The following AK9 variants were observed in gnomAD, a reference collection of about 807,000 sequenced individuals.
The protein encoded by AK9 is adenylate kinase domain containing 1.
AK9 carries 191 observed loss-of-function variants against 239.6 expected under a neutral mutation model. The ratio of observed to expected loss-of-function variants is 0.80; its 90% confidence interval spans 0.71 to 0.90. The LOEUF is 0.90. Among genes scored for constraint, AK9 ranks in the 40% least tolerant of loss-of-function variants. The pLI is 0.00. For synonymous variants in AK9, 689 were observed against 721.0 expected, an observed-to-expected ratio of 0.96 and a Z score of 0.71; for missense variants, 1,995 against 2,214.7, an observed-to-expected ratio of 0.90 and a Z score of 1.99.
Position 109,612,007 on chromosome 6 carries a change from T to C in AK9, c.1693+3A>G. 6.7e-7 allele frequency: 1 copy of C among 1,486,476 alleles called. No homozygotes were observed. Among genetic ancestry groups the C allele is most frequent in the Non-Finnish European group, 9.1e-7 (1 of 1,101,808 alleles). 92.1% of individuals were successfully genotyped at this position (1,486,476 alleles called of 1,614,324 possible). On this transcript the variant is annotated splice_donor_region_variant and intron_variant, in intron 16 of 40. Coordinates refer to ENST00000424296, the MANE Select transcript of AK9 (RefSeq NM_001145128.3). ...GAATCAAATTATACAAATATTAATT[T>C]ACCTGTATCTGAATACAACTTTACA...
chr6:109,647,696 C>A (rs1798274581), intron 8 of AK9, among the ~76,000 whole-genome samples: 1 of 152,268 alleles, frequency 6.6e-6, no homozygotes, highest in East Asian at 1.9e-4. Context: ...AGAAAGTTAA[C>A]AAGGATACCC....
At position 109,590,225 on chromosome 6, in the gene AK9, T is replaced by A. The variant is rs542461785; in HGVS notation, c.1843-4153A>T. Among the ~76,000 whole-genome samples the A allele has an allele frequency of 1.0e-3, 153 of 152,276 alleles. 1 individual carries two copies. The highest frequency in any genetic ancestry group is 1.5e-4 in the Non-Finnish European group (10 of 67,996). Reference sequence around the variant, plus strand: ...TTTTTTGTTACTGTTGAGAGATTTTTAATTACTGATTCAATTTCACTACTC... The same window carrying A: ...TTTTTTGTTACTGTTGAGAGATTTTAAATTACTGATTCAATTTCACTACTC... On this transcript the variant is annotated intron_variant, in intron 17 of 40. Coordinates refer to ENST00000424296, the MANE Select transcript of AK9 (RefSeq NM_001145128.3).
rs180933902 is a variant in AK9, at chr6:109,584,702, T to C, written c.2114+421A>G. On this transcript the variant is annotated intron_variant, in intron 19 of 40. Coordinates refer to ENST00000424296, the MANE Select transcript of AK9 (RefSeq NM_001145128.3). ...ATAAATAATTAGCCTGGTCTTTCCA[T>C]GTGTAGAACTTAGTCAGGCTTTGGA... 1.1e-4 allele frequency among the ~76,000 whole-genome samples: 17 copies of C among 152,250 alleles called. No individual in the cohort carries two copies. The South Asian group carries it at 1.5e-3, about 13-fold the overall frequency.
Position 109,659,403 on chromosome 6 carries a change from T to C in AK9, c.455A>G (p.Tyr152Cys), listed in dbSNP as rs758644090. The change falls in exon 7 of 41, where the codon TAT becomes TGT. Residue 152 changes from tyrosine (Y) to cysteine (C), a missense_variant. Tyr to Cys is a radical substitution (Grantham distance 194). Coordinates refer to ENST00000424296, the MANE Select transcript of AK9 (RefSeq NM_001145128.3). ...DVIINIKCPD[Y>C]DLCQRISGQR... ...CCCAGAAATTCTCTGGCACAAATCATAGTCAGGACACTAAGAAACAACATT... is the reference window on the plus strand; with the variant it reads ...CCCAGAAATTCTCTGGCACAAATCACAGTCAGGACACTAAGAAACAACATT... The C allele has an allele frequency of 3.1e-6, 5 of 1,604,388 alleles. No individual in the cohort carries two copies. The highest frequency in any genetic ancestry group is 4.3e-6 in the Non-Finnish European group (5 of 1,174,618).
At chr6:109,559,024 A>G (rs950646635) in intron 24 of AK9, among the ~76,000 whole-genome samples, 22 of 151,136 alleles carry the variant, frequency 1.5e-4, no homozygotes, top group Non-Finnish European at 2.8e-4. Flanking sequence ...GCTCATTTTT[A>G]TATTTTCAAT....
chr6:109,543,444 T>G (rs1372980358), intron 26 of AK9, among the ~76,000 whole-genome samples: 1 of 152,158 alleles, frequency 6.6e-6, no homozygotes, highest in African/African-American at 2.4e-5. Flanking sequence ...AAATCTGGAC[T>G]GACATACTTT....
intron 17 of AK9, among the ~76,000 whole-genome samples, chr6:109,589,828 GT>G (rs1315251166): frequency 1.3e-5 from 2 of 152,076 alleles, no homozygotes; most frequent in Non-Finnish European, 2.9e-5. Context: ...TTATCACATA[GT>G]TTTTTGTTTT....
At chr6:109,559,735 G>T (rs1278721049) in intron 24 of AK9, among the ~76,000 whole-genome samples, 1 of 152,028 alleles carries the variant, frequency 6.6e-6, no homozygotes, top group Non-Finnish European at 1.5e-5. Flanking sequence ...GATTCCATTG[G>T]CTTTTCTACA....
intron 5 of AK9, 152 bp downstream of exon 5, chr6:109,671,767 T>G: frequency 1.6e-6 from 1 of 628,508 alleles, no homozygotes; most frequent in South Asian, 2.1e-5. Context: ...AACAAGCAAA[T>G]AAAACCATCT....
chr6:109,633,003 A>G lies in AK9; in HGVS notation c.1174T>C (p.Cys392Arg). The change falls in exon 12 of 41, where the codon TGT (cysteine) becomes CGT (arginine). Residue 392 changes from cysteine to arginine, a missense_variant. Around this residue, in one of 5 missense-constraint regions of AK9, gnomAD observed 1,290 missense variants for 1,392.7 expected, o/e 0.93. Coordinates refer to ENST00000424296, the MANE Select transcript of AK9 (RefSeq NM_001145128.3). ...YLLPPMPGPP[C>R]KVFILGPQYS... ...TGAGGTCCAAGTATGAATACTTTAC[A>G]TGGTGGTCCTGGCATAGGTGGAAGC... 6.2e-6 allele frequency: 10 copies of G among 1,608,148 alleles called. No individual in the cohort carries two copies. Among genetic ancestry groups the G allele is most frequent in the Non-Finnish European group, 8.5e-6 (10 of 1,178,196 alleles).
chr6:109,576,833 CT>C (rs552286836), intron 20 of AK9, among the ~76,000 whole-genome samples: 308 of 134,954 alleles, frequency 2.3e-3, no homozygotes, highest in Admixed American at 2.8e-3. Flanking sequence ...TCATAGATTT[CT>C]TTTTTTTTTT....
intron 1 of AK9, among the ~76,000 whole-genome samples, chr6:109,688,495 G>C (rs748219691): frequency 6.6e-6 from 1 of 152,180 alleles, no homozygotes; most frequent in Non-Finnish European, 1.5e-5. Context: ...AGAAGCTACT[G>C]GTTTGACAGA....
At chr6:109,642,936 T>C (rs1167091375) in intron 9 of AK9, among the ~76,000 whole-genome samples, 1 of 152,202 alleles carries the variant, frequency 6.6e-6, no homozygotes, top group African/African-American at 2.4e-5. Context: ...ATTTAAGAGA[T>C]GTCAGTGGTT....
rs143548551 is a variant in AK9 at position 109,583,104 on chromosome 6, A to G, written c.2114+2019T>C. Reference sequence around the variant, plus strand: ...TTTATATGCACTGGGAAGCAAAAAAACTCATGTGACTTGCTTTACTGTGGT... The same window carrying G: ...TTTATATGCACTGGGAAGCAAAAAAGCTCATGTGACTTGCTTTACTGTGGT... On this transcript the variant is annotated intron_variant, in intron 19 of 40. Transcript: ENST00000424296. 3.6e-4 allele frequency among the ~76,000 whole-genome samples: 55 copies of G among 152,292 alleles called. 3 individuals carry two copies. In the South Asian group the frequency reaches 0.01, roughly 28 times the overall value.
chr6:109,503,916 A>T (rs1777848551), intron 35 of AK9, among the ~76,000 whole-genome samples: 1 of 152,108 alleles, frequency 6.6e-6, no homozygotes, highest in South Asian at 2.1e-4. Flanking sequence ...GGACATTTTG[A>T]AGGTCCCTCC....
chr6:109,563,314 A>G (rs1786019683), intron 24 of AK9, among the ~76,000 whole-genome samples: 1 of 152,178 alleles, frequency 6.6e-6, no homozygotes, highest in East Asian at 1.9e-4. Flanking sequence ...AGCCTCTTTT[A>G]CTTACAACAA....
chr6:109,665,697 C>T (rs1801091495), intron 5 of AK9, among the ~76,000 whole-genome samples: 1 of 152,210 alleles, frequency 6.6e-6, no homozygotes, highest in East Asian at 1.9e-4. Flanking sequence ...GGATGGAACT[C>T]AGACCTTGGC....
intron 17 of AK9, among the ~76,000 whole-genome samples, chr6:109,592,442 A>ATT (rs1229321601): frequency 2.9e-5 from 3 of 103,686 alleles, no homozygotes; most frequent in Non-Finnish European, 6.2e-5. Flanking sequence ...GTCTAATGGG[A>ATT]TTTCTTTTTT....
intron 12 of AK9, 122 bp from the exon 13 acceptor site, chr6:109,619,358 G>A: frequency 9.3e-7 from 1 of 1,070,802 alleles, no homozygotes; most frequent in African/African-American, 1.7e-5. Flanking sequence ...TATTAATACT[G>A]CTTGAGGTAT....
Sources: gnomAD v4.1 joint callset for allele counts (sites outside exome capture counted in the v4.1 genomes callset) on GRCh38, gnomAD v4.1.1 for gene constraint, gnomAD v4.1.1 regional missense constraint, MANE v1.5 for transcripts, NCBI Gene and HGNC (gene_info 2026-07-23, HGNC 2026-07-21) for gene names.